Variants in FGF12 observed in about 807,000 individuals in gnomAD.
FGF12 encodes the protein fibroblast growth factor 12.
Under a neutral mutation model 23.6 loss-of-function variants are expected in FGF12, and 14 were observed. The ratio of observed to expected loss-of-function variants is 0.59; its 90% CI spans 0.39 to 0.93. FGF12 has a LOEUF of 0.93. FGF12 is among the 40% of genes least tolerant of loss of function. The pLI is 0.00. For missense variants in FGF12, 175 were observed against 217.8 expected, an observed-to-expected ratio of 0.80 and a Z score of 1.24; for synonymous variants, 62 against 77.3, an observed-to-expected ratio of 0.80 and a Z score of 1.04.
chr3:192,376,235 T>C (rs2108748226), intron 2 of FGF12, among the ~76,000 whole-genome samples: 1 of 152,114 alleles, frequency 6.6e-6, no homozygotes, highest in Non-Finnish European at 1.5e-5. Context: ...TCTGCTTTCA[T>C]CTCCAATTTA....
chr3:192,408,833 C>T lies in FGF12; in HGVS notation c.14-48295G>A. 1 of 985,636 alleles carries T rather than the reference C, an allele frequency of 1.0e-6. No homozygotes were observed. Among genetic ancestry groups the T allele is most frequent in the Non-Finnish European group, 1.2e-6 (1 of 830,086 alleles). The allele number at this position is 985,636 out of a possible 1,614,324, so 61.1% of individuals were successfully genotyped here. ...GAGAGGAAGGCAGCAATTTAACTCCCTGCGGCCCGCGGTTCTGAAGATTAG... is the reference window on the plus strand; with the variant it reads ...GAGAGGAAGGCAGCAATTTAACTCCTTGCGGCCCGCGGTTCTGAAGATTAG... On this transcript the variant is annotated intron_variant, in intron 2 of 5. Coordinates refer to ENST00000445105, the MANE Select transcript of FGF12 (RefSeq NM_004113.6). The surrounding 1 kb of genome is among the most constrained non-coding windows in gnomAD (Gnocchi z 7.3).
chr3:192,419,761 G>A (rs1462465734), intron 2 of FGF12, among the ~76,000 whole-genome samples: 1 of 152,118 alleles, frequency 6.6e-6, no homozygotes, highest in Non-Finnish European at 1.5e-5. Flanking sequence ...GGATGTGGGA[G>A]AAATGACAGA....
intron 4 of FGF12, among the ~76,000 whole-genome samples, chr3:192,310,302 G>A (rs28524504): frequency 0.025 from 3,828 of 152,184 alleles, 154 homozygotes; most frequent in African/African-American, 0.087. Context: ...TTTTGATATC[G>A]TAGAGATGAT....
At chr3:192,288,971 T>C (rs961153656) in intron 4 of FGF12, among the ~76,000 whole-genome samples, 2 of 152,134 alleles carry the variant, frequency 1.3e-5, no homozygotes, top group Admixed American at 1.3e-4. Flanking sequence ...AGGCCTCATG[T>C]CCGAGTGCCC....
chr3:192,663,840 C>T (rs1261415847), intron 2 of FGF12, among the ~76,000 whole-genome samples: 1 of 151,826 alleles, frequency 6.6e-6, no homozygotes, highest in Non-Finnish European at 1.5e-5. Flanking sequence ...TTTGCACATA[C>T]ATAGAGATCT....
At chr3:192,462,371 G>A (rs1722890033) in intron 2 of FGF12, among the ~76,000 whole-genome samples, 2 of 151,972 alleles carry the variant, frequency 1.3e-5, no homozygotes, top group South Asian at 4.2e-4. Context: ...GGTTATCATG[G>A]GAAGGAACTG....
At chr3:192,461,510 A>C (rs865831802) in intron 2 of FGF12, among the ~76,000 whole-genome samples, 3 of 152,316 alleles carry the variant, frequency 2.0e-5, no homozygotes, top group Middle Eastern at 3.4e-3. Flanking sequence ...ATAAACTAGT[A>C]TCTATCAAAT....
intron 4 of FGF12, among the ~76,000 whole-genome samples, chr3:192,269,573 C>T (rs903330957): frequency 1.3e-5 from 2 of 152,054 alleles, no homozygotes; most frequent in Non-Finnish European, 2.9e-5. Flanking sequence ...AATGTAAAGT[C>T]CTTCAAAAGT....
chr3:192,397,584 C>T (rs1197560934), intron 2 of FGF12, among the ~76,000 whole-genome samples: 4 of 152,144 alleles, frequency 2.6e-5, no homozygotes, highest in Non-Finnish European at 2.9e-5. Context: ...CTTGGGTTTC[C>T]ATAGAATTTG....
chr3:192,670,327 ATAAC>A (rs1194029217), intron 2 of FGF12, among the ~76,000 whole-genome samples: 3 of 152,114 alleles, frequency 2.0e-5, no homozygotes, highest in African/African-American at 7.2e-5. Context: ...TTTTTAGTAA[ATAAC>A]TATTTTTGCA....
intron 2 of FGF12, among the ~76,000 whole-genome samples, chr3:192,537,950 C>CT (rs370317111): frequency 0.18 from 21,550 of 121,470 alleles, 3,273 homozygotes; most frequent in South Asian, 0.34. Context: ...AGCCTTTAAC[C>CT]TTTTTTTTTT....
chr3:192,475,604 C>G (rs1341793570), intron 2 of FGF12, among the ~76,000 whole-genome samples: 2 of 152,116 alleles, frequency 1.3e-5, no homozygotes, highest in African/African-American at 4.8e-5. Context: ...AAAGCTAAGC[C>G]AAACAGAAAA....
intron 2 of FGF12, among the ~76,000 whole-genome samples, chr3:192,662,077 G>C (rs1447542611): frequency 6.6e-6 from 1 of 152,078 alleles, no homozygotes; most frequent in Non-Finnish European, 1.5e-5. Flanking sequence ...ATATTCCACA[G>C]TCTTCATTCA....
chr3:192,209,419 C>T (rs1420590756), intron 4 of FGF12, among the ~76,000 whole-genome samples: 1 of 152,104 alleles, frequency 6.6e-6, no homozygotes, highest in Non-Finnish European at 1.5e-5. Context: ...CATTCAGATC[C>T]CTTTTTATAA....
chr3:192,165,146 C>T (rs9863335), intron 5 of FGF12, among the ~76,000 whole-genome samples: 57,773 of 151,572 alleles, frequency 0.38, 13,373 homozygotes, highest in Non-Finnish European at 0.52. Context: ...GTAGTGATGA[C>T]GTTTCATCAT....
rs144693917 is a variant in FGF12 at position 192,312,460 on chromosome 3, G to A, written c.228+22901C>T. Reference sequence around the variant, plus strand: ...GATTTCTTAAGGTCTTCAGACAATGGCAACAAGATCTTTTCATTGAAATAA... The same window carrying A: ...GATTTCTTAAGGTCTTCAGACAATGACAACAAGATCTTTTCATTGAAATAA... On this transcript the variant is annotated intron_variant, in intron 4 of 5. Coordinates refer to ENST00000445105, the MANE Select transcript of FGF12 (RefSeq NM_004113.6). 1.6e-3 allele frequency among the ~76,000 whole-genome samples: 245 copies of A among 150,322 alleles called. 1 individual carries two copies. Among genetic ancestry groups the A allele is most frequent in the African/African-American group, 5.9e-3 (242 of 40,796 alleles).
chr3:192,679,520 G>A (rs1717444288), intron 2 of FGF12, among the ~76,000 whole-genome samples: 1 of 152,002 alleles, frequency 6.6e-6, no homozygotes, highest in Non-Finnish European at 1.5e-5. Context: ...GTGGGAGGAT[G>A]GTTTGAGCCC....
chr3:192,188,925 A>C (rs1322686040), intron 4 of FGF12, among the ~76,000 whole-genome samples: 1 of 152,248 alleles, frequency 6.6e-6, no homozygotes, highest in African/African-American at 2.4e-5. Context: ...TGTAATCTCT[A>C]ATTTCTTATG....
intron 4 of FGF12, among the ~76,000 whole-genome samples, chr3:192,305,942 G>A (rs1440681096): frequency 7.7e-6 from 1 of 129,658 alleles, no homozygotes; most frequent in Non-Finnish European, 1.5e-5. Flanking sequence ...CTCACTGCAA[G>A]CTCCACCTCC....
Sources: gnomAD v4.1 joint callset for allele counts (sites outside exome capture counted in the v4.1 genomes callset) on GRCh38, gnomAD v4.1.1 for gene constraint, Gnocchi (gnomAD v3.1) non-coding constraint, MANE v1.5 for transcripts, NCBI Gene and HGNC (gene_info 2026-07-23, HGNC 2026-07-21) for gene names.